The following SH3GL3 variants were observed in gnomAD, a reference collection of about 807,000 sequenced individuals.
SH3GL3 encodes the protein endophilin-A3.
A neutral mutation model predicts 47.7 loss-of-function variants in SH3GL3; 33 were observed. The ratio of observed to expected loss-of-function variants is 0.69; its 90% CI spans 0.52 to 0.92. The LOEUF (loss-of-function observed/expected upper bound fraction) is 0.92, where lower values mean the gene tolerates loss of function less well. Among genes scored for constraint, SH3GL3 ranks in the 40% least tolerant of loss-of-function variants. SH3GL3 has a pLI of 0.00. For synonymous variants in SH3GL3, 155 were observed against 148.8 expected, an observed-to-expected ratio of 1.04 and a Z score of -0.30; for missense variants, 363 against 417.8, an observed-to-expected ratio of 0.87 and a Z score of 1.14.
chr15:83,492,816 C>A (rs539239016), intron 1 of SH3GL3, among the ~76,000 whole-genome samples: 2 of 152,226 alleles, frequency 1.3e-5, no homozygotes, highest in African/African-American at 4.8e-5. Flanking sequence ...CCAGCAGTAA[C>A]GAACCCTTTG....
At chr15:83,541,390 G>C (rs1287425714) in intron 1 of SH3GL3, among the ~76,000 whole-genome samples, 1 of 128,204 alleles carries the variant, frequency 7.8e-6, no homozygotes, top group Non-Finnish European at 1.6e-5. Flanking sequence ...CTGGAGTGCA[G>C]TGGCGCGATC....
intron 1 of SH3GL3, among the ~76,000 whole-genome samples, chr15:83,558,007 A>G (rs1383231551): frequency 6.6e-6 from 1 of 152,234 alleles, no homozygotes; most frequent in Non-Finnish European, 1.5e-5. Context: ...AAATAGTAAT[A>G]CCGCATGTGT....
At chr15:83,478,846 T>C (rs2041214002) in intron 1 of SH3GL3, among the ~76,000 whole-genome samples, 1 of 152,226 alleles carries the variant, frequency 6.6e-6, no homozygotes, top group Non-Finnish European at 1.5e-5. Context: ...TGGCCCATAA[T>C]AAACGTGTAA....
At chr15:83,599,864 A>G (rs979470087) in intron 8 of SH3GL3, among the ~76,000 whole-genome samples, 2 of 151,884 alleles carry the variant, frequency 1.3e-5, no homozygotes, top group African/African-American at 2.4e-5. Flanking sequence ...ATTTTTTTTA[A>G]TATTTTGATT....
At chr15:83,624,463 G>A in the SH3GL3 span, among the ~76,000 whole-genome samples, 1 of 152,212 alleles carries the variant, frequency 6.6e-6, no homozygotes, top group Non-Finnish European at 1.5e-5. Context: ...CTATTCATAT[G>A]AGAAACAACA....
In SH3GL3 at chr15:83,572,492, A is replaced by G. The variant is rs2059568448; in HGVS notation, c.332-73A>G. 11 of 1,296,980 alleles carry G rather than the reference A, an allele frequency of 8.5e-6. No individual in the cohort carries two copies. In the South Asian group the frequency reaches 1.4e-4, roughly 16 times the overall value. The allele number at this position is 1,296,980 out of a possible 1,614,324, so 80.3% of individuals were successfully genotyped here. On this transcript the variant is annotated intron_variant, in intron 4 of 8. Coordinates refer to ENST00000427482, the MANE Select transcript of SH3GL3 (RefSeq NM_003027.5). ...ATCATCCACACACTTTTGGTAAAGA[A>G]TGAAATAAATAGCACTGTTAACCTG... is the stretch of plus-strand genomic sequence containing the variant.
chr15:83,582,235 G>C (rs748085285), intron 6 of SH3GL3, among the ~76,000 whole-genome samples: 1 of 152,190 alleles, frequency 6.6e-6, no homozygotes, highest in Non-Finnish European at 1.5e-5. Context: ...AGAAATCAGA[G>C]ATATTCCATA....
At chr15:83,614,261 T>C (rs546926595) in intron 8 of SH3GL3, among the ~76,000 whole-genome samples, 1 of 152,234 alleles carries the variant, frequency 6.6e-6, no homozygotes, top group African/African-American at 2.4e-5. Flanking sequence ...TAATCCCCAA[T>C]ATTTACAGCC....
At chr15:83,486,583 T>G (rs1385917291) in intron 1 of SH3GL3, among the ~76,000 whole-genome samples, 1 of 152,228 alleles carries the variant, frequency 6.6e-6, no homozygotes, top group Non-Finnish European at 1.5e-5. Context: ...CTTTATTCCT[T>G]TTCATGGCTG....
At chr15:83,457,387 A>C (rs2040046327) in intron 1 of SH3GL3, among the ~76,000 whole-genome samples, 2 of 152,216 alleles carry the variant, frequency 1.3e-5, no homozygotes, top group South Asian at 4.1e-4. Context: ...CACTGCTTGT[A>C]GGGCAGAAAG....
chr15:83,477,614 G>A (rs1044996025), intron 1 of SH3GL3, among the ~76,000 whole-genome samples: 6 of 152,110 alleles, frequency 3.9e-5, no homozygotes, highest in African/African-American at 1.2e-4. Context: ...ATGTTTTGGC[G>A]TCTATTGGAG....
In SH3GL3 at chr15:83,618,269, C is replaced by T. The variant is rs755782750; in HGVS notation, c.1026C>T (p.Ile342=). The T allele has an allele frequency of 1.8e-5, 29 of 1,605,532 alleles. No individual in the cohort carries two copies. The Admixed American group carries it at 1.8e-4, about 10-fold the overall frequency. Residue 342 remains isoleucine (I), a synonymous_variant, in exon 9 of 9, where the codon ATC becomes ATT. Coordinates refer to ENST00000427482, the MANE Select transcript of SH3GL3 (RefSeq NM_003027.5). ...TCCCCATTAATTACGTGGAAGTGATCGTGCCTTTACCTCAGTAAATGTGTA... is the reference window on the plus strand; with the variant it reads ...TCCCCATTAATTACGTGGAAGTGATTGTGCCTTTACCTCAGTAAATGTGTA... ...GFFPINYVEV[I]VPLPQ is the part of the protein sequence containing the mutation.
chr15:83,578,699 G>T (rs911218271), intron 6 of SH3GL3, among the ~76,000 whole-genome samples: 2 of 151,476 alleles, frequency 1.3e-5, no homozygotes, highest in Non-Finnish European at 2.9e-5. Flanking sequence ...ATAGGAGGAG[G>T]TGTGACAGTT....
At chr15:83,449,747 A>C (rs939066927) in intron 1 of SH3GL3, among the ~76,000 whole-genome samples, 4 of 150,280 alleles carry the variant, frequency 2.7e-5, no homozygotes, top group Admixed American at 1.3e-4. Context: ...GAGCGGAAAT[A>C]ATTTATGACT....
At chr15:83,607,796 T>G (rs1431004202) in intron 8 of SH3GL3, among the ~76,000 whole-genome samples, 1 of 151,502 alleles carries the variant, frequency 6.6e-6, no homozygotes, top group African/African-American at 2.4e-5. Flanking sequence ...CAACTCTAAT[T>G]AAGGCAGCTG....
At chr15:83,467,990 G>C (rs933427983) in intron 1 of SH3GL3, among the ~76,000 whole-genome samples, 6 of 152,048 alleles carry the variant, frequency 3.9e-5, no homozygotes, top group Admixed American at 3.9e-4. Flanking sequence ...ACCACGCCCA[G>C]CTAATTTTCT....
chr15:83,584,098 C>T (rs1317765991), intron 6 of SH3GL3, among the ~76,000 whole-genome samples: 1 of 152,158 alleles, frequency 6.6e-6, no homozygotes, highest in Non-Finnish European at 1.5e-5. Flanking sequence ...GTGGGTAGGG[C>T]CATGTTTGTT....
At chr15:83,598,349 T>C (rs562030506) in intron 8 of SH3GL3, among the ~76,000 whole-genome samples, 1 of 152,344 alleles carries the variant, frequency 6.6e-6, no homozygotes, top group Admixed American at 6.5e-5. Flanking sequence ...AGCATTCCGC[T>C]TTGGGAGCCA....
chr15:83,561,110 CA>C (rs2151745846), intron 2 of SH3GL3, among the ~76,000 whole-genome samples: 1 of 152,100 alleles, frequency 6.6e-6, no homozygotes, highest in African/African-American at 2.4e-5. Context: ...GGAGGATTTG[CA>C]TAAAATATGA....
Sources: gnomAD v4.1 joint callset for allele counts (sites outside exome capture counted in the v4.1 genomes callset) on GRCh38, gnomAD v4.1.1 for gene constraint, MANE v1.5 for transcripts, NCBI Gene and HGNC (gene_info 2026-07-23, HGNC 2026-07-21) for gene names.